The following SMAD6 variants were observed in gnomAD, a reference collection of about 807,000 sequenced individuals.
SMAD6 encodes SMAD family member 6, also known as MAD homolog 6.
Under a neutral mutation model 39.4 loss-of-function variants are expected in SMAD6, and 103 were observed. That is an observed-to-expected ratio of 2.62 (90% CI 2.23 to 3.08). The LOEUF is 3.08. Among genes scored for constraint, SMAD6 ranks in the 30% most tolerant of loss-of-function variants. SMAD6 has a pLI of 0.00. For synonymous variants in SMAD6, 445 were observed against 353.3 expected, an observed-to-expected ratio of 1.26 and a Z score of -2.91; for missense variants, 1,104 against 742.9, an observed-to-expected ratio of 1.49 and a Z score of -5.65.
intron 3 of SMAD6, among the ~76,000 whole-genome samples, chr15:66,759,023 A>G (rs991345184): frequency 7.2e-5 from 11 of 152,234 alleles, no homozygotes; most frequent in African/African-American, 2.4e-4. Flanking sequence ...CTCTGTTGCA[A>G]CAATTCAACT....
chr15:66,731,766 T>C (rs1480590580), intron 3 of SMAD6, among the ~76,000 whole-genome samples: 8 of 152,104 alleles, frequency 5.3e-5, no homozygotes, highest in Non-Finnish European at 1.0e-4. Flanking sequence ...GGGTATATGG[T>C]TGAAAGTACA....
At chr15:66,719,190 A>G (rs984560194) in intron 3 of SMAD6, among the ~76,000 whole-genome samples, 2 of 152,180 alleles carry the variant, frequency 1.3e-5, no homozygotes, top group African/African-American at 4.8e-5. Flanking sequence ...TTGGAACATG[A>G]GCCTGGACAG....
At chr15:66,765,374 C>T (rs1285587453) in intron 3 of SMAD6, among the ~76,000 whole-genome samples, 1 of 152,142 alleles carries the variant, frequency 6.6e-6, no homozygotes, top group African/African-American at 2.4e-5. Flanking sequence ...CAGGTGCCCG[C>T]CACCATGCCC....
chr15:66,710,191 A>T (rs983942066), intron 1 of SMAD6, among the ~76,000 whole-genome samples: 2 of 152,208 alleles, frequency 1.3e-5, no homozygotes, highest in African/African-American at 4.8e-5. Flanking sequence ...CATCTCATTT[A>T]ATTTTTGTAT....
At chr15:66,716,097 C>T (rs1052513562) in intron 2 of SMAD6, among the ~76,000 whole-genome samples, 5 of 152,180 alleles carry the variant, frequency 3.3e-5, no homozygotes. Flanking sequence ...CTTAATTTAA[C>T]CTTACCCACG....
chr15:66,729,608 C>T (rs1311812826), intron 3 of SMAD6, among the ~76,000 whole-genome samples: 2 of 152,120 alleles, frequency 1.3e-5, no homozygotes, highest in African/African-American at 4.8e-5. Flanking sequence ...GAGGGGGCGC[C>T]GGGCCCCTCT....
chr15:66,749,822 A>T (rs1444187094), intron 3 of SMAD6, among the ~76,000 whole-genome samples: 1 of 152,174 alleles, frequency 6.6e-6, no homozygotes, highest in Admixed American at 6.5e-5. Flanking sequence ...GACTGACCCC[A>T]GGTGGCACCC....
chr15:66,756,926 C>T (rs1199137924), intron 3 of SMAD6, among the ~76,000 whole-genome samples: 1 of 152,254 alleles, frequency 6.6e-6, no homozygotes, highest in East Asian at 1.9e-4. Flanking sequence ...GCTTTGGGCC[C>T]GATACTCATA....
In SMAD6 at chr15:66,703,340, G is replaced by A. The variant is rs868114319; in HGVS notation, c.82G>A (p.Gly28Ser). Residue 28 changes from glycine to serine, a missense_variant, in exon 1 of 4, where the codon GGC (glycine) becomes AGC (serine). Transcript: ENST00000288840. ...CCCCGACCGGGAGGAAGGCGGCAGC[G>A]GCGGCGGCGGTGGCGGCGACGAGGA... ...VVPDREEGGSGGGGGGDEDGS... is the reference protein window; with the variant it reads ...VVPDREEGGSSGGGGGDEDGS... 10 of 1,478,126 alleles carry A rather than the reference G, an allele frequency of 6.8e-6. No individual in the cohort carries two copies. The highest frequency in any genetic ancestry group is 2.4e-5 in the Admixed American group (1 of 41,242). The allele number at this position is 1,478,126 out of a possible 1,614,324, so 91.6% of individuals were successfully genotyped here.
intron 3 of SMAD6, among the ~76,000 whole-genome samples, chr15:66,761,514 A>C (rs961908562): frequency 5.3e-5 from 8 of 152,170 alleles, no homozygotes; most frequent in South Asian, 2.1e-4. Flanking sequence ...CACAAGAACA[A>C]ATAAACAGAC....
intron 3 of SMAD6, among the ~76,000 whole-genome samples, chr15:66,725,166 T>C (rs967549324): frequency 4.6e-5 from 7 of 152,252 alleles, no homozygotes; most frequent in Admixed American, 3.9e-4. Context: ...CTTTGTCAGA[T>C]GTTTTTATAT....
At chr15:66,769,442 G>C (rs987311966) in intron 3 of SMAD6, among the ~76,000 whole-genome samples, 3 of 152,170 alleles carry the variant, frequency 2.0e-5, no homozygotes, top group African/African-American at 7.2e-5. Context: ...TCCATCATCT[G>C]TAGTCTCAGG....
At chr15:66,711,633 A>G (rs1466418559) in intron 1 of SMAD6, 35 bp from the exon 2 acceptor site, 4 of 1,576,228 alleles carry the variant, frequency 2.5e-6, no homozygotes, top group South Asian at 2.2e-5. Context: ...GAGCTCCCCA[A>G]CCCTGGCAGT....
At chr15:66,731,119 A>T (rs1893619146) in intron 3 of SMAD6, among the ~76,000 whole-genome samples, 1 of 152,252 alleles carries the variant, frequency 6.6e-6, no homozygotes, top group Non-Finnish European at 1.5e-5. Context: ...CAATCAAGAT[A>T]GAGAACATTT....
At chr15:66,716,299 T>G in intron 2 of SMAD6, 122 bp from the exon 3 acceptor site, 1 of 729,902 alleles carries the variant, frequency 1.4e-6, no homozygotes, top group East Asian at 2.5e-5. Context: ...GGGAGGGACA[T>G]GCTGCCCTTT....
intron 3 of SMAD6, among the ~76,000 whole-genome samples, chr15:66,718,394 C>T (rs1308765069): frequency 1.3e-5 from 2 of 152,130 alleles, no homozygotes; most frequent in Admixed American, 1.3e-4. Flanking sequence ...TATCCCAGAG[C>T]AGTCTTTGGT....
Position 66,703,649 on chromosome 15 carries a change from G to A in SMAD6, c.391G>A (p.Glu131Lys). The A allele has an allele frequency of 4.9e-6, 6 of 1,232,856 alleles. No individual in the cohort carries two copies. The highest frequency in any genetic ancestry group is 4.1e-5 in the South Asian group (1 of 24,668). 76.4% of individuals were successfully genotyped at this position (1,232,856 alleles called of 1,614,324 possible). Residue 131 changes from glutamate (E) to lysine (K), a missense_variant, in exon 1 of 4, where the codon GAG (glutamate) becomes AAG (lysine). Glu to Lys is a moderately conservative substitution (Grantham distance 56). Transcript: ENST00000288840. ...CETVTCCLFS[E>K]RDAAGAPRDA... ...GACGGTGACCTGCTGTCTCTTTTCGGAGCGGGACGCCGCCGGCGCGCCCCG... is the reference window on the plus strand; with the variant it reads ...GACGGTGACCTGCTGTCTCTTTTCGAAGCGGGACGCCGCCGGCGCGCCCCG...
rs1487716759 is a variant in SMAD6, at chr15:66,703,930, G to C, written c.672G>C (p.Leu224=). The C allele has an allele frequency of 9.6e-6, 13 of 1,348,568 alleles. No homozygotes were observed. The highest frequency in any genetic ancestry group is 8.6e-6 in the Non-Finnish European group (9 of 1,050,986). 83.5% of individuals were successfully genotyped at this position (1,348,568 alleles called of 1,614,324 possible). ...GCGGCCAGCCCGCGCCGCCGCAGCT[G>C]CTGCTCGGCCGCCTCTTTCGCTGGC... is the stretch of plus-strand genomic sequence containing the variant. ...RLGGQPAPPQ[L]LLGRLFRWPD... The change falls in exon 1 of 4, where the codon CTG becomes CTC. Residue 224 remains leucine (L), a synonymous_variant. Coordinates refer to ENST00000288840, the MANE Select transcript of SMAD6 (RefSeq NM_005585.5).
intron 3 of SMAD6, among the ~76,000 whole-genome samples, chr15:66,728,828 T>A (rs1378341755): frequency 6.6e-6 from 1 of 152,262 alleles, no homozygotes; most frequent in Non-Finnish European, 1.5e-5. Flanking sequence ...TTTCCAGTTA[T>A]TGATAGTGCC....
Sources: gnomAD v4.1 joint callset for allele counts (sites outside exome capture counted in the v4.1 genomes callset) on GRCh38, gnomAD v4.1.1 for gene constraint, MANE v1.5 for transcripts, NCBI Gene and HGNC (gene_info 2026-07-23, HGNC 2026-07-21) for gene names.